NOL4: variants seen among roughly 807,000 people sequenced by gnomAD.
The protein encoded by NOL4 is nucleolar protein 4.
Under a neutral mutation model 75.9 loss-of-function variants are expected in NOL4, and 17 were observed. The observed-to-expected ratio is 0.22, with a 90% CI of 0.15 to 0.34. The LOEUF is 0.34. NOL4 is among the 10% of genes least tolerant of loss of function. NOL4 has a pLI of 1.00. For synonymous variants in NOL4, 292 were observed against 289.9 expected (o/e 1.01, Z -0.07); for missense variants, 614 against 793.5 (o/e 0.77, Z 2.72).
chr18:33,931,497 G>A (rs1006174346), intron 9 of NOL4, among the ~76,000 whole-genome samples: 1 of 152,096 alleles, frequency 6.6e-6, no homozygotes, highest in Non-Finnish European at 1.5e-5. Flanking sequence ...TTGGGAGGCC[G>A]AAGTTGGAGA....
In NOL4 at chr18:34,019,484, A is replaced by C. The variant is rs771708313; in HGVS notation, c.890T>G (p.Leu297Arg). 59 of 1,613,896 alleles carry C rather than the reference A, an allele frequency of 3.7e-5. No individual in the cohort carries two copies. The highest frequency in any genetic ancestry group is 2.2e-4 in the Admixed American group (13 of 59,970). The change falls in exon 6 of 11, where the codon CTG becomes CGG. Residue 297 changes from leucine (L) to arginine (R), a missense_variant. Around this residue, in one of 9 missense-constraint regions of NOL4, gnomAD observed 196 missense variants for 167.9 expected, o/e 1.17. Coordinates refer to ENST00000261592, the MANE Select transcript of NOL4 (RefSeq NM_003787.5). ...GTTCAGTGGCTGTTCATCTTGCTCC[A>C]GCCCAGTTTTGCCATCACTGTTGGA... ...GDSNSDGKTG[L>R]EQDEQPLNLS...
intron 9 of NOL4, among the ~76,000 whole-genome samples, chr18:33,907,858 G>C (rs1274141580): frequency 6.6e-6 from 1 of 152,104 alleles, no homozygotes; most frequent in Non-Finnish European, 1.5e-5. Flanking sequence ...ATAATAATAT[G>C]TATACATTAT....
chr18:33,936,017 T>C (rs554586927), intron 9 of NOL4, among the ~76,000 whole-genome samples: 4 of 152,248 alleles, frequency 2.6e-5, no homozygotes, highest in African/African-American at 7.2e-5. Context: ...TAAAACCCTA[T>C]TGAATGGTGT....
At chr18:33,895,056 A>C (rs1000104303) in intron 9 of NOL4, among the ~76,000 whole-genome samples, 3 of 152,172 alleles carry the variant, frequency 2.0e-5, no homozygotes, top group East Asian at 3.9e-4. Context: ...CACTGTGTAC[A>C]TATATCAAAA....
At chr18:34,135,561 G>A (rs1222102816) in intron 1 of NOL4, among the ~76,000 whole-genome samples, 2 of 151,682 alleles carry the variant, frequency 1.3e-5, no homozygotes, top group African/African-American at 4.8e-5. Flanking sequence ...GCCAGGTGTG[G>A]CGGTGGGCGC....
chr18:34,125,599 T>A (rs2080348578), intron 2 of NOL4, among the ~76,000 whole-genome samples: 1 of 152,078 alleles, frequency 6.6e-6, no homozygotes, highest in South Asian at 2.1e-4. Flanking sequence ...TAATGCTAAC[T>A]AGGGTTTTAA....
At chr18:33,971,335 C>T (rs951538119) in intron 6 of NOL4, among the ~76,000 whole-genome samples, 2 of 152,160 alleles carry the variant, frequency 1.3e-5, no homozygotes, top group Admixed American at 1.3e-4. Context: ...ACAGAAGTGA[C>T]AGTGAACATT....
At chr18:33,968,633 A>C (rs1457980460) in intron 6 of NOL4, among the ~76,000 whole-genome samples, 1 of 152,172 alleles carries the variant, frequency 6.6e-6, no homozygotes, top group African/African-American at 2.4e-5. Flanking sequence ...GAGAGGAGGA[A>C]GGAGGGTAGT....
intron 1 of NOL4, among the ~76,000 whole-genome samples, chr18:34,157,369 G>T (rs1251484755): frequency 6.6e-6 from 1 of 152,118 alleles, no homozygotes; most frequent in Non-Finnish European, 1.5e-5. Flanking sequence ...GGGGCATAGG[G>T]TCATTAACTG....
chr18:34,211,807 C>T (rs537545361), intron 1 of NOL4, among the ~76,000 whole-genome samples: 25 of 152,118 alleles, frequency 1.6e-4, no homozygotes, highest in African/African-American at 4.8e-4. Context: ...ATAAAATCAA[C>T]GTAGAGAGGA....
At chr18:33,862,863 T>C (rs542146657) in intron 10 of NOL4, among the ~76,000 whole-genome samples, 1,642 of 152,298 alleles carry the variant, frequency 0.011, 14 homozygotes, top group Non-Finnish European at 0.018. Context: ...GTCAGTGTGG[T>C]GATTCCTCAG....
At chr18:34,219,591 A>G (rs2037154371) in intron 1 of NOL4, among the ~76,000 whole-genome samples, 1 of 152,278 alleles carries the variant, frequency 6.6e-6, no homozygotes, top group Admixed American at 6.5e-5. Context: ...CAGAGTTACC[A>G]TAGTTAAGTG....
intron 2 of NOL4, among the ~76,000 whole-genome samples, chr18:34,109,370 T>G (rs1319986554): frequency 2.0e-5 from 3 of 151,756 alleles, no homozygotes. Flanking sequence ...AAAGTAAAAA[T>G]TCGTCGGGCA....
chr18:34,034,390 A>G (rs1600332285), intron 5 of NOL4, among the ~76,000 whole-genome samples: 1 of 152,062 alleles, frequency 6.6e-6, no homozygotes, highest in East Asian at 1.9e-4. Context: ...TTTACCTCTA[A>G]AGACTCATTA....
intron 6 of NOL4, among the ~76,000 whole-genome samples, chr18:33,978,804 AT>A (rs1461593505): frequency 7.9e-5 from 12 of 151,732 alleles, no homozygotes; most frequent in Non-Finnish European, 1.6e-4. Flanking sequence ...TAATTATTAT[AT>A]TTTTGTTTCT....
At chr18:33,947,858 GC>G (rs879502665) in intron 8 of NOL4, among the ~76,000 whole-genome samples, 1 of 151,830 alleles carries the variant, frequency 6.6e-6, no homozygotes, top group Non-Finnish European at 1.5e-5. Flanking sequence ...ATCACATGGA[GC>G]TTTTGGAGTT....
At chr18:33,933,805 C>T (rs374006413) in intron 9 of NOL4, among the ~76,000 whole-genome samples, 5 of 152,068 alleles carry the variant, frequency 3.3e-5, no homozygotes, top group Non-Finnish European at 5.9e-5. Flanking sequence ...CCACGAGGGT[C>T]GGAATCAACT....
In NOL4 at chr18:34,103,251, T is replaced by C. The variant is rs545270383; in HGVS notation, c.639+796A>G. On this transcript the variant is annotated intron_variant, in intron 4 of 10. Transcript: ENST00000261592. The stretch of plus-strand genomic sequence containing the variant: ...TTCTAATATAAATAACCTGAATGCA[T>C]CTATTGAGTATTAACTAGTCAACAA... Among the ~76,000 whole-genome samples the C allele has an allele frequency of 6.6e-5, 10 of 152,122 alleles. No homozygotes were observed. In the South Asian group the frequency reaches 1.9e-3, roughly 28 times the overall value.
At chr18:33,994,238 T>C (rs538233981) in intron 6 of NOL4, among the ~76,000 whole-genome samples, 90 of 152,002 alleles carry the variant, frequency 5.9e-4, no homozygotes, top group Admixed American at 3.0e-3. Context: ...CTGGAATAGA[T>C]AGAATAACTA....
Sources: allele counts gnomAD v4.1 joint callset (sites outside exome capture counted in the v4.1 genomes callset), GRCh38; gene constraint gnomAD v4.1.1; regional missense constraint gnomAD v4.1.1; transcripts MANE v1.5; gene names NCBI Gene and HGNC (gene_info 2026-07-23, HGNC 2026-07-21).